Variants in LVRN observed in about 807,000 individuals in gnomAD.
The protein encoded by LVRN is aminopeptidase Q.
LVRN carries 99 observed loss-of-function variants against 111.4 expected under a neutral mutation model. The observed-to-expected ratio is 0.89, with a 90% CI of 0.76 to 1.05. The LOEUF (loss-of-function observed/expected upper bound fraction) is 1.05. LVRN is among the 50% of genes least tolerant of loss of function. The probability of loss-of-function intolerance (pLI) is 0.00; values close to 1 mark genes in which losing one functional copy is unlikely to be tolerated. For synonymous variants in LVRN, 488 were observed against 449.5 expected, an observed-to-expected ratio of 1.09 and a Z score of -1.08; for missense variants, 1,414 against 1,206.8, an observed-to-expected ratio of 1.17 and a Z score of -2.54.
intron 4 of LVRN, among the ~76,000 whole-genome samples, 163 bp downstream of exon 4, chr5:115,988,102 CAG>C (rs755747972): frequency 2.6e-5 from 4 of 152,190 alleles, no homozygotes; most frequent in Non-Finnish European, 5.9e-5. Flanking sequence ...CTGAAACACA[CAG>C]AGGCTCACCT....
chr5:115,974,251 T>A (rs1561554300), intron 1 of LVRN, among the ~76,000 whole-genome samples: 1 of 152,226 alleles, frequency 6.6e-6, no homozygotes, highest in Non-Finnish European at 1.5e-5. Flanking sequence ...TATGTATTTA[T>A]AATTTATACA....
At position 116,026,420 on chromosome 5, in the gene LVRN, A is replaced by G. The variant is rs1158903484; in HGVS notation, c.*302A>G. 2.7e-6 allele frequency: 1 copy of G among 370,206 alleles called. No individual in the cohort carries two copies. Among genetic ancestry groups the G allele is most frequent in the Admixed American group, 4.4e-5 (1 of 22,950 alleles). 22.9% of individuals were successfully genotyped at this position (370,206 alleles called of 1,614,324 possible). On this transcript the variant is annotated 3_prime_UTR_variant, in exon 20 of 20. Coordinates refer to ENST00000357872, the MANE Select transcript of LVRN (RefSeq NM_173800.5). ...AAATTCACCTAAGATAGTCTTGCTT[A>G]TTTTGTTGCGAAGGCCAGTGGAATA... is the stretch of plus-strand genomic sequence containing the variant.
intron 18 of LVRN, among the ~76,000 whole-genome samples, chr5:116,016,974 C>T (rs1379517224): frequency 1.3e-5 from 2 of 152,170 alleles, no homozygotes; most frequent in East Asian, 3.8e-4. Flanking sequence ...TTTAGTCCTT[C>T]TACATCAAGG....
At chr5:116,006,734 A>G (rs79229021) in intron 13 of LVRN, among the ~76,000 whole-genome samples, 1 of 152,102 alleles carries the variant, frequency 6.6e-6, no homozygotes, top group Admixed American at 6.5e-5. Flanking sequence ...TTTATTACGT[A>G]TCTGTAGAGT....
Position 116,012,312 on chromosome 5 carries a change from C to T in LVRN, c.2248-62C>T, listed in dbSNP as rs146728957. The T allele has an allele frequency of 6.6e-5, 57 of 861,792 alleles. No individual in the cohort carries two copies. The African/African-American group carries it at 9.2e-4, about 14-fold the overall frequency. 53.4% of individuals were successfully genotyped at this position (861,792 alleles called of 1,614,324 possible). A position where few individuals can be genotyped will look rare whatever the true frequency, so the allele number is the denominator to read the frequency against. On this transcript the variant is annotated intron_variant, in intron 14 of 19. Coordinates refer to ENST00000357872, the MANE Select transcript of LVRN (RefSeq NM_173800.5). ...GTCTTTTCAGATAAATAAATAGAAA[C>T]ACAGTGAAAATTCAGTGTTTGCAAG...
At position 115,984,564 on chromosome 5, in the gene LVRN, C is replaced by A; in HGVS notation, c.839-6C>A. The A allele has an allele frequency of 1.2e-6, 2 of 1,612,824 alleles. No homozygotes were observed. Among genetic ancestry groups the A allele is most frequent in the Non-Finnish European group, 1.7e-6 (2 of 1,179,392 alleles). ...CTGTGATTTGAACTAAAATAAAATT[C>A]TCTAGGTCAGTCTGAAAAAGAAGAT... On this transcript the variant is annotated splice_region_variant and splice_polypyrimidine_tract_variant and intron_variant, in intron 2 of 19. Coordinates refer to ENST00000357872, the MANE Select transcript of LVRN (RefSeq NM_173800.5).
rs1309546882 is a variant in LVRN, at chr5:115,962,703, C to A, written c.86C>A (p.Ala29Glu). Reference protein sequence around the residue: ...LAGLVAALLLALAVLAALYGH... With the variant: ...LAGLVAALLLELAVLAALYGH... ...GGGCTGGTAGCCGCCCTCCTGCTGG[C>A]GCTGGCCGTACTCGCCGCCTTGTAC... Residue 29 changes from alanine to glutamate, a missense_variant, in exon 1 of 20, where the codon GCG becomes GAG. Ala to Glu is a moderately radical substitution (Grantham distance 107, BLOSUM62 -1). Coordinates refer to ENST00000357872, the MANE Select transcript of LVRN (RefSeq NM_173800.5). 6.2e-7 allele frequency: 1 copy of A among 1,611,370 alleles called. No individual in the cohort carries two copies. The highest frequency in any genetic ancestry group is 8.5e-7 in the Non-Finnish European group (1 of 1,179,626).
At chr5:115,970,931 C>T (rs1753312057) in intron 1 of LVRN, among the ~76,000 whole-genome samples, 1 of 152,122 alleles carries the variant, frequency 6.6e-6, no homozygotes, top group Non-Finnish European at 1.5e-5. Context: ...TTTTAAGAAA[C>T]TGCAAAACTG....
intron 7 of LVRN, among the ~76,000 whole-genome samples, 198 bp from the exon 8 acceptor site, chr5:116,000,235 G>A (rs999714832): frequency 1.3e-5 from 2 of 152,136 alleles, no homozygotes; most frequent in South Asian, 4.1e-4. Context: ...TTTACATGTA[G>A]GACATCTGCT....
intron 13 of LVRN, among the ~76,000 whole-genome samples, chr5:116,009,149 A>C (rs551451223): frequency 2.6e-5 from 4 of 152,276 alleles, no homozygotes; most frequent in Non-Finnish European, 5.9e-5. Context: ...CATTATGCTA[A>C]ATCAACTCTG....
intron 6 of LVRN, among the ~76,000 whole-genome samples, chr5:115,998,974 G>T (rs540834223): frequency 1.1e-3 from 169 of 152,310 alleles, no homozygotes; most frequent in African/African-American, 3.9e-3. Context: ...CAAAGGGTGA[G>T]AGAGTCAACT....
At chr5:115,983,187 A>C in intron 1 of LVRN, 100 bp from the exon 2 acceptor site, 3 of 1,330,126 alleles carry the variant, frequency 2.3e-6, no homozygotes, top group Non-Finnish European at 3.0e-6. Context: ...AATTTCCTCT[A>C]ACACACCAGG....
chr5:116,006,707 A>T (rs1748383004), intron 13 of LVRN, among the ~76,000 whole-genome samples: 1 of 152,108 alleles, frequency 6.6e-6, no homozygotes, highest in African/African-American at 2.4e-5. Flanking sequence ...CATTCACTCT[A>T]GGGTTTTGGT....
intron 1 of LVRN, among the ~76,000 whole-genome samples, chr5:115,974,020 C>T (rs180999118): frequency 2.9e-3 from 440 of 152,232 alleles, no homozygotes; most frequent in African/African-American, 0.01. Context: ...TTTGGGAACA[C>T]CTTTTTCAAA....
chr5:116,006,950 C>T (rs1440094091), intron 13 of LVRN, among the ~76,000 whole-genome samples: 1 of 152,172 alleles, frequency 6.6e-6, no homozygotes, highest in Non-Finnish European at 1.5e-5. Flanking sequence ...CTCTTCTTTT[C>T]ATCACCCAAA....
chr5:116,012,551 T>C (rs978433751), intron 15 of LVRN, 83 bp downstream of exon 15: 6 of 842,810 alleles, frequency 7.1e-6, no homozygotes, highest in Non-Finnish European at 9.1e-6. Context: ...AAAATCTTCA[T>C]ATCTGTTATT....
chr5:115,997,245 T>C (rs1364314083), intron 6 of LVRN, among the ~76,000 whole-genome samples: 4 of 152,192 alleles, frequency 2.6e-5, no homozygotes, highest in Non-Finnish European at 5.9e-5. Context: ...ATGAGTCACA[T>C]AACTCCTAAA....
chr5:116,001,197 T>C lies in LVRN; in HGVS notation c.1778T>C (p.Phe593Ser). ...VSTGVMKQEPFYLENIKNRTL... is the reference protein window; with the variant it reads ...VSTGVMKQEPSYLENIKNRTL... ...ACTGGCGTCATGAAACAGGAGCCAT[T>C]TTATCTTGAAAACATTAAAAATCGG... Residue 593 changes from phenylalanine to serine, a missense_variant, in exon 10 of 20, where the codon TTT becomes TCT. Phe to Ser is a radical substitution (Grantham distance 155). Coordinates refer to ENST00000357872, the MANE Select transcript of LVRN (RefSeq NM_173800.5). The C allele has an allele frequency of 6.2e-7, 1 of 1,613,884 alleles. No homozygotes were observed. Among genetic ancestry groups the C allele is most frequent in the Non-Finnish European group, 8.5e-7 (1 of 1,179,940 alleles).
intron 1 of LVRN, among the ~76,000 whole-genome samples, chr5:115,976,434 T>C (rs1753450946): frequency 6.6e-6 from 1 of 152,208 alleles, no homozygotes; most frequent in Admixed American, 6.5e-5. Context: ...TTCTGTTTTT[T>C]ATTTCACCGA....
Sources: gnomAD v4.1 joint callset for allele counts (sites outside exome capture counted in the v4.1 genomes callset) on GRCh38, gnomAD v4.1.1 for gene constraint, MANE v1.5 for transcripts, NCBI Gene and HGNC (gene_info 2026-07-23, HGNC 2026-07-21) for gene names.